The following HIVEP3 variants were observed in gnomAD, a reference collection of about 807,000 sequenced individuals.
HIVEP3 encodes transcription factor HIVEP3.
In HIVEP3, 49 loss-of-function variants were observed where a neutral mutation model predicts 152.8. The observed-to-expected ratio is 0.32, with a 90% CI of 0.26 to 0.41. The LOEUF is 0.41. Ranked by LOEUF, HIVEP3 falls within the 10% of genes least tolerant of loss-of-function variation. The probability of loss-of-function intolerance (pLI) is 1.00; values close to 1 mark genes in which losing one functional copy is unlikely to be tolerated. For synonymous variants in HIVEP3, 1,269 were observed against 1,289.0 expected, an observed-to-expected ratio of 0.98 and a Z score of 0.33; for missense variants, 2,790 against 3,103.3, an observed-to-expected ratio of 0.90 and a Z score of 2.40.
At chr1:41,923,523 A>G (rs1207164491), upstream of HIVEP3, among the ~76,000 whole-genome samples, 5 of 152,296 alleles carry the variant, frequency 3.3e-5, no homozygotes, top group Admixed American at 2.6e-4. Flanking sequence ...ACATTGGCCA[A>G]TGGGAACAAA....
chr1:41,807,843 A>G (rs1032496639), intron 1 of HIVEP3, among the ~76,000 whole-genome samples: 1 of 152,174 alleles, frequency 6.6e-6, no homozygotes, highest in Non-Finnish European at 1.5e-5. Flanking sequence ...AGTCAAGGGG[A>G]CAAAGATCAG....
chr1:41,550,173 A>G (rs1037674230), intron 5 of HIVEP3, among the ~76,000 whole-genome samples: 7 of 152,198 alleles, frequency 4.6e-5, no homozygotes, highest in African/African-American at 2.4e-5. Context: ...TTTGTCAAAG[A>G]TCAGATGGTT....
chr1:41,729,921 C>A (rs545770218), intron 1 of HIVEP3, among the ~76,000 whole-genome samples: 1 of 152,166 alleles, frequency 6.6e-6, no homozygotes, highest in East Asian at 1.9e-4. Flanking sequence ...CACCAGCCCA[C>A]AGAGGGAGAC....
intron 2 of HIVEP3, among the ~76,000 whole-genome samples, chr1:41,680,260 G>A (rs996989219): frequency 6.6e-6 from 1 of 152,204 alleles, no homozygotes; most frequent in Non-Finnish European, 1.5e-5. Context: ...GGCTCCATCA[G>A]TACTGAGCAT....
At chr1:41,868,821 G>A (rs1232144686) in intron 1 of HIVEP3, among the ~76,000 whole-genome samples, 1 of 152,142 alleles carries the variant, frequency 6.6e-6, no homozygotes, top group African/African-American at 2.4e-5. Flanking sequence ...CTGTTAATTG[G>A]GGATACTAAC....
At chr1:41,661,159 C>T (rs896712621) in intron 2 of HIVEP3, among the ~76,000 whole-genome samples, 1 of 152,176 alleles carries the variant, frequency 6.6e-6, no homozygotes, top group African/African-American at 2.4e-5. Flanking sequence ...TAAAACATAG[C>T]CTGAAAGAGA....
intron 1 of HIVEP3, among the ~76,000 whole-genome samples, chr1:41,743,557 G>A (rs962707886): frequency 6.6e-6 from 1 of 152,192 alleles, no homozygotes; most frequent in Non-Finnish European, 1.5e-5. Context: ...TAAGGAGATG[G>A]TGGGGGAACA....
intron 1 of HIVEP3, among the ~76,000 whole-genome samples, chr1:41,978,355 G>A (rs1267869036): frequency 6.6e-6 from 1 of 152,154 alleles, no homozygotes; most frequent in African/African-American, 2.4e-5. Flanking sequence ...GTAGATAGGG[G>A]CTTTAAAGAG....
At chr1:41,854,422 G>A (rs1244780365) in intron 1 of HIVEP3, among the ~76,000 whole-genome samples, 2 of 151,680 alleles carry the variant, frequency 1.3e-5, no homozygotes, top group African/African-American at 2.4e-5. Context: ...CCACCCCACT[G>A]ACTCCTGTTC....
chr1:41,863,416 T>G lies in HIVEP3; in HGVS notation c.-801+54997A>C, dbSNP rs535287692. On this transcript the variant is annotated intron_variant, in intron 1 of 8. Transcript: ENST00000372583. ...CAACCCTGACTAAACTAGGAAGACATCTGAACTCCGGCTCAAAAATAATAT... is the reference window on the plus strand; with the variant it reads ...CAACCCTGACTAAACTAGGAAGACAGCTGAACTCCGGCTCAAAAATAATAT... Among the ~76,000 whole-genome samples, 13 of 152,264 alleles carry G rather than the reference T, an allele frequency of 8.5e-5. No homozygotes were observed. The South Asian group carries it at 2.7e-3, about 32-fold the overall frequency.
At chr1:41,991,778 C>G (rs1451239059) in intron 1 of HIVEP3, among the ~76,000 whole-genome samples, 8 of 141,122 alleles carry the variant, frequency 5.7e-5, no homozygotes, top group African/African-American at 1.6e-4. Flanking sequence ...AATCCAGCAG[C>G]ACATCAAAAA....
intron 1 of HIVEP3, among the ~76,000 whole-genome samples, chr1:41,976,858 G>A (rs1645262103): frequency 6.6e-6 from 1 of 152,188 alleles, no homozygotes; most frequent in Non-Finnish European, 1.5e-5. Context: ...AGCTGGGAGG[G>A]TGGAACAGAC....
chr1:41,566,195 G>A (rs1242126344), intron 5 of HIVEP3, among the ~76,000 whole-genome samples: 1 of 152,130 alleles, frequency 6.6e-6, no homozygotes, highest in African/African-American at 2.4e-5. Context: ...TTTCCACTCT[G>A]GTTTCAAAAT....
In HIVEP3 at chr1:41,581,919, G is replaced by C. The variant is rs1644416760; in HGVS notation, c.2879C>G (p.Pro960Arg). ...ERDDHGKAEA[P>R]SPSSDMRPKP... is the part of the protein sequence containing the mutation. ...GGGGCGCATGTCAGATGAGGGACTG[G>C]GGGCCTCGGCTTTCCCATGGTCATC... The change falls in exon 4 of 9, where the codon CCC (proline) becomes CGC (arginine). Residue 960 changes from proline (P) to arginine (R), a missense_variant. By Grantham distance (103) the Pro-to-Arg change is moderately radical. Around this residue, in one of 9 missense-constraint regions of HIVEP3, gnomAD observed 1,078 missense variants for 1,165.3 expected, o/e 0.93. Coordinates refer to ENST00000372583, the MANE Select transcript of HIVEP3 (RefSeq NM_024503.5). This position sits in a 1 kb window ranked among gnomAD's most constrained non-coding sequence, Gnocchi z 4.5. The C allele has an allele frequency of 6.2e-7, 1 of 1,614,146 alleles. No homozygotes were observed. The highest frequency in any genetic ancestry group is 1.1e-5 in the South Asian group (1 of 91,080).
At chr1:41,522,631 G>T (rs1422854897) in intron 6 of HIVEP3, among the ~76,000 whole-genome samples, 1 of 152,224 alleles carries the variant, frequency 6.6e-6, no homozygotes, top group Non-Finnish European at 1.5e-5. Context: ...CCAGGGCCCT[G>T]GCTCTGTGCT....
rs531574313 is a variant in HIVEP3 at position 41,918,013 on chromosome 1, C to A, written c.-801+400G>T. ...CGATGCCTAAGCCCCCCAGCCGAGG[C>A]TCCTATGGAGCCGGCCGCCAGTGCG... is the stretch of plus-strand genomic sequence containing the variant. On this transcript the variant is annotated intron_variant, in intron 1 of 8. Coordinates refer to ENST00000372583, the MANE Select transcript of HIVEP3 (RefSeq NM_024503.5). This position sits in a 1 kb window ranked among gnomAD's most constrained non-coding sequence, Gnocchi z 4.3. Among the ~76,000 whole-genome samples the A allele has an allele frequency of 6.6e-6, 1 of 152,242 alleles. No homozygotes were observed. The highest frequency in any genetic ancestry group is 2.4e-5 in the African/African-American group (1 of 41,470).
At chr1:41,882,479 T>C (rs1644278332) in intron 1 of HIVEP3, among the ~76,000 whole-genome samples, 1 of 152,158 alleles carries the variant, frequency 6.6e-6, no homozygotes, top group Non-Finnish European at 1.5e-5. Context: ...TAGGTAGACC[T>C]GGGAAGGGAT....
At chr1:41,545,443 CT>C in intron 5 of HIVEP3, among the ~76,000 whole-genome samples, 1 of 128,808 alleles carries the variant, frequency 7.8e-6, no homozygotes, top group East Asian at 2.3e-4. Flanking sequence ...ACCACCACCT[CT>C]ACCACCATTG....
chr1:41,519,685 G>C (rs1262457045), intron 6 of HIVEP3, among the ~76,000 whole-genome samples: 2 of 152,226 alleles, frequency 1.3e-5, no homozygotes, highest in Non-Finnish European at 2.9e-5. Context: ...GCCTCCTGGA[G>C]TGGATGAATA....
Sources: gnomAD v4.1 joint callset for allele counts (sites outside exome capture counted in the v4.1 genomes callset) on GRCh38, gnomAD v4.1.1 for gene constraint, gnomAD v4.1.1 regional missense constraint, Gnocchi (gnomAD v3.1) non-coding constraint, MANE v1.5 for transcripts, NCBI Gene and HGNC (gene_info 2026-07-23, HGNC 2026-07-21) for gene names.